The following VPS37C variants were observed in gnomAD, a reference collection of about 807,000 sequenced individuals.
The protein encoded by VPS37C is vacuolar protein sorting-associated protein 37C.
VPS37C carries 9 observed loss-of-function variants against 16.1 expected under a neutral mutation model. The ratio of observed to expected loss-of-function variants is 0.56; its 90% CI spans 0.34 to 0.97. The LOEUF (loss-of-function observed/expected upper bound fraction) is 0.97. Among genes scored for constraint, VPS37C ranks in the 50% least tolerant of loss-of-function variants. The probability of loss-of-function intolerance (pLI) is 0.02; values close to 1 mark genes in which losing one functional copy is unlikely to be tolerated. For synonymous variants in VPS37C, 207 were observed against 206.4 expected, an observed-to-expected ratio of 1.00 and a Z score of -0.02; for missense variants, 479 against 472.7, an observed-to-expected ratio of 1.01 and a Z score of -0.12.
chr11:61,160,300 C>T (rs190781776), intron 1 of VPS37C, among the ~76,000 whole-genome samples: 13 of 152,262 alleles, frequency 8.5e-5, no homozygotes, highest in African/African-American at 2.9e-4. Context: ...AGTCCCCGAT[C>T]CCACCCGGAA....
chr11:61,134,392 G>A (rs972301868), intron 2 of VPS37C, among the ~76,000 whole-genome samples, 185 bp from the exon 3 acceptor site: 12 of 152,164 alleles, frequency 7.9e-5, no homozygotes, highest in African/African-American at 2.4e-4. Context: ...AGTACTCTGC[G>A]CCTCACTTAA....
At chr11:61,159,738 AT>A (rs200258718) in intron 1 of VPS37C, among the ~76,000 whole-genome samples, 8,798 of 148,116 alleles carry the variant, frequency 0.059, 485 homozygotes, top group African/African-American at 0.12. Flanking sequence ...AAATAAATAA[AT>A]AAAAAATACA....
At chr11:61,159,094 C>A (rs1056018887) in intron 1 of VPS37C, among the ~76,000 whole-genome samples, 2 of 152,236 alleles carry the variant, frequency 1.3e-5, no homozygotes, top group Admixed American at 1.3e-4. Context: ...AAAACCCCTA[C>A]TATTACTGGC....
At chr11:61,136,222 A>G (rs1248253464) in intron 2 of VPS37C, among the ~76,000 whole-genome samples, 1 of 144,430 alleles carries the variant, frequency 6.9e-6, no homozygotes, top group East Asian at 2.1e-4. Flanking sequence ...CTGGAGTGCA[A>G]TGGCGCAATC....
Position 61,132,354 on chromosome 11 carries a change from C to A in VPS37C, c.534G>T (p.Pro178=). ...GTGTTCCCTGGGGGACTGGGCGCAC[C>A]GGGGGTGGTGGACGGGGTGGAGGGG... ...GDAPPPRPPP[P]VRPVPQGTPP... is the part of the protein sequence containing the mutation. The change falls in exon 5 of 5, where the codon CCG becomes CCT. Residue 178 remains proline (P), a synonymous_variant. Transcript: ENST00000301765. The A allele has an allele frequency of 6.9e-7, 1 of 1,443,344 alleles. No homozygotes were observed. Among genetic ancestry groups the A allele is most frequent in the Admixed American group, 1.9e-5 (1 of 52,872 alleles). The allele number at this position is 1,443,344 out of a possible 1,614,324, so 89.4% of individuals were successfully genotyped here.
chr11:61,160,306 CG>C (rs1272977804), intron 1 of VPS37C, among the ~76,000 whole-genome samples: 2 of 152,154 alleles, frequency 1.3e-5, no homozygotes, highest in Admixed American at 6.5e-5. Flanking sequence ...CGATCCCACC[CG>C]GAACTACAGA....
intron 3 of VPS37C, 130 bp downstream of exon 3, chr11:61,133,906 C>T: frequency 8.7e-7 from 1 of 1,145,686 alleles, no homozygotes; most frequent in South Asian, 1.8e-5. Context: ...AATGGAGTAA[C>T]AACAGTACCC....
At chr11:61,158,511 T>G (rs1297094986) in intron 1 of VPS37C, among the ~76,000 whole-genome samples, 1 of 152,166 alleles carries the variant, frequency 6.6e-6, no homozygotes, top group Non-Finnish European at 1.5e-5. Flanking sequence ...GTTCTCTATT[T>G]AAAAGAAAAT....
rs553011395 is a variant in VPS37C at position 61,131,738 on chromosome 11, T to A, written c.*82A>T. On this transcript the variant is annotated 3_prime_UTR_variant, in exon 5 of 5. Coordinates refer to ENST00000301765, the MANE Select transcript of VPS37C (RefSeq NM_017966.5). ...CAGGGAGCACCAACGCCACTTCCAG[T>A]TGACCCTCGAATCTCGGCGATGGCT... 2.6e-5 allele frequency: 32 copies of A among 1,233,268 alleles called. No homozygotes were observed. The allele number at this position is 1,233,268 out of a possible 1,614,324, so 76.4% of individuals were successfully genotyped here.
intron 1 of VPS37C, among the ~76,000 whole-genome samples, chr11:61,159,840 T>C (rs1320890808): frequency 7.3e-6 from 1 of 136,894 alleles, no homozygotes; most frequent in East Asian, 2.3e-4. Context: ...GGGCGGAGGT[T>C]GCAGTGAGCT....
intron 1 of VPS37C, 67 bp downstream of exon 1, chr11:61,161,324 C>T (rs1467760435): frequency 6.6e-6 from 1 of 152,070 alleles, no homozygotes; most frequent in African/African-American, 2.4e-5. Flanking sequence ...GCCGGCGCCG[C>T]CCCCACCGTC....
chr11:61,138,835 C>A lies in VPS37C; in HGVS notation c.-6G>T. ...TTATCCTTCAGCGTCTCCATCCTTC[C>A]CTGTGAACACAGTGACACCAAAGTA... On this transcript the variant is annotated splice_region_variant and 5_prime_UTR_variant, in exon 2 of 5. Coordinates refer to ENST00000301765, the MANE Select transcript of VPS37C (RefSeq NM_017966.5). The A allele has an allele frequency of 6.2e-7, 1 of 1,613,676 alleles. No homozygotes were observed. The highest frequency in any genetic ancestry group is 8.5e-7 in the Non-Finnish European group (1 of 1,179,640).
chr11:61,131,958 G>A lies in VPS37C; in HGVS notation c.930C>T (p.Pro310=). Residue 310 remains proline, a synonymous_variant, in exon 5 of 5, where the codon CCC becomes CCT. Transcript: ENST00000301765. The part of the protein sequence containing the change: ...SPYPATGGKP[P]YPIQPQLPSF... Reference sequence around the variant, plus strand: ...TGGGGAGCTGAGGCTGTATTGGGTAGGGAGGTTTTCCTCCTGTTGCGGGGT... The same window carrying A: ...TGGGGAGCTGAGGCTGTATTGGGTAAGGAGGTTTTCCTCCTGTTGCGGGGT... 2 of 1,318,170 alleles carry A rather than the reference G, an allele frequency of 1.5e-6. No homozygotes were observed. The highest frequency in any genetic ancestry group is 1.9e-6 in the Non-Finnish European group (2 of 1,027,940). The allele number at this position is 1,318,170 out of a possible 1,614,324, so 81.7% of individuals were successfully genotyped here.
chr11:61,150,133 T>C (rs1365798141), intron 1 of VPS37C, among the ~76,000 whole-genome samples: 1 of 152,082 alleles, frequency 6.6e-6, no homozygotes, highest in Non-Finnish European at 1.5e-5. Flanking sequence ...CAACCAGACT[T>C]TCCCCCCAGC....
Position 61,138,756 on chromosome 11 carries a change from A to G in VPS37C, c.74T>C (p.Leu25Pro). ...CTCTACCTCAGGGGACTCCAGGGCC[A>G]GCTGGTCAATCGCCTCCGAGTCATT... The part of the protein sequence containing the change: ...LQNDSEAIDQ[L>P]ALESPEVQDL... Residue 25 changes from leucine (L) to proline (P), a missense_variant, in exon 2 of 5, where the codon CTG becomes CCG. Leu to Pro is a moderately conservative substitution (Grantham distance 98, BLOSUM62 -3). Transcript: ENST00000301765. 1 of 1,614,130 alleles carries G rather than the reference A, an allele frequency of 6.2e-7. No homozygotes were observed. The highest frequency in any genetic ancestry group is 1.1e-5 in the South Asian group (1 of 91,082).
At chr11:61,156,203 G>A (rs1283657157) in intron 1 of VPS37C, among the ~76,000 whole-genome samples, 1 of 152,138 alleles carries the variant, frequency 6.6e-6, no homozygotes, top group Non-Finnish European at 1.5e-5. Context: ...TAGCAAGAAG[G>A]TAGATTTAAA....
intron 1 of VPS37C, among the ~76,000 whole-genome samples, chr11:61,147,822 G>A (rs1590791193): frequency 6.6e-6 from 1 of 152,114 alleles, no homozygotes; most frequent in Non-Finnish European, 1.5e-5. Context: ...CCGCTAAGTG[G>A]TTCATGCCAA....
rs1861264914 is a variant in VPS37C, at chr11:61,131,829, A to C, written c.1059T>G (p.Pro353=). 8.0e-7 allele frequency: 1 copy of C among 1,250,396 alleles called. No homozygotes were observed. Among genetic ancestry groups the C allele is most frequent in the Non-Finnish European group, 1.0e-6 (1 of 995,244 alleles). 77.5% of individuals were successfully genotyped at this position (1,250,396 alleles called of 1,614,324 possible). ...GFPPPPGPAW[P]GY ...AGGGCCAGGAGTGTGTCTAATACCC[A>C]GGCCAGGCAGGCCCCGGCGGTGGTG... The change falls in exon 5 of 5, where the codon CCT becomes CCG. Residue 353 remains proline, a synonymous_variant. Transcript: ENST00000301765.
chr11:61,137,344 G>A (rs899968420), intron 2 of VPS37C, among the ~76,000 whole-genome samples: 19 of 152,180 alleles, frequency 1.2e-4, no homozygotes, highest in Admixed American at 8.5e-4. Context: ...CCTGATCCAC[G>A]AGTGTTTTTT....
Sources: gnomAD v4.1 joint callset for allele counts (sites outside exome capture counted in the v4.1 genomes callset) on GRCh38, gnomAD v4.1.1 for gene constraint, MANE v1.5 for transcripts, NCBI Gene and HGNC (gene_info 2026-07-23, HGNC 2026-07-21) for gene names.